The following PKIB variants were observed in gnomAD, a reference collection of about 807,000 sequenced individuals.
The protein encoded by PKIB is cAMP-dependent protein kinase inhibitor beta.
Under a neutral mutation model 4.5 loss-of-function variants are expected in PKIB, and 2 were observed. That is an observed-to-expected ratio of 0.44 (90% CI 0.18 to 1.39). PKIB has a LOEUF of 1.39. Among genes scored for constraint, PKIB ranks in the 40% most tolerant of loss-of-function variants. PKIB has a pLI of 0.27. For missense variants in PKIB, 94 were observed against 92.6 expected, an observed-to-expected ratio of 1.02 and a Z score of -0.06; for synonymous variants, 38 against 36.0, an observed-to-expected ratio of 1.06 and a Z score of -0.20.
At chr6:122,700,251 CTTTTT>C (rs34063696) in intron 3 of PKIB, among the ~76,000 whole-genome samples, 9 of 94,292 alleles carry the variant, frequency 9.5e-5, no homozygotes, top group African/African-American at 2.0e-4. Flanking sequence ...TCTTTTCTTT[CTTTTT>C]TTTTTTTTTT....
At chr6:122,676,151 A>G (rs763186478) in intron 3 of PKIB, among the ~76,000 whole-genome samples, 5 of 151,844 alleles carry the variant, frequency 3.3e-5, no homozygotes, top group Non-Finnish European at 5.9e-5. Flanking sequence ...AGATGGTCCT[A>G]TCTGGGGTGA....
At chr6:122,590,236 G>A (rs1410487679) in intron 3 of PKIB, among the ~76,000 whole-genome samples, 1 of 152,128 alleles carries the variant, frequency 6.6e-6, no homozygotes, top group Non-Finnish European at 1.5e-5. Flanking sequence ...TTCATGAATA[G>A]CTATTTTACA....
intron 2 of PKIB, among the ~76,000 whole-genome samples, chr6:122,652,309 T>A (rs4491170): frequency 4.8e-5 from 5 of 104,940 alleles, no homozygotes; most frequent in East Asian, 3.4e-4. Flanking sequence ...TGTGTGTGTG[T>A]GTGTGTGTGT....
intron 2 of PKIB, among the ~76,000 whole-genome samples, chr6:122,504,670 T>A (rs1265356209): frequency 6.6e-6 from 1 of 152,240 alleles, no homozygotes; most frequent in Non-Finnish European, 1.5e-5. Context: ...ATTTTAAAAA[T>A]TAAAATTTTA....
At position 122,708,777 on chromosome 6, in the gene PKIB, G is replaced by T. The variant is rs1271998866; in HGVS notation, c.-8-9010G>T. Among the ~76,000 whole-genome samples, 4 of 152,102 alleles carry T rather than the reference G, an allele frequency of 2.6e-5. No individual in the cohort carries two copies. In the East Asian group the frequency reaches 7.7e-4, roughly 29 times the overall value. ...GCCTCCTGAGTAACTGGGATTACAG[G>T]CATGCGTCACCACGCCTGGCTAATT... On this transcript the variant is annotated intron_variant, in intron 3 of 4. Transcript: ENST00000368452.
chr6:122,582,736 T>C (rs1227715249), intron 2 of PKIB, among the ~76,000 whole-genome samples: 1 of 152,094 alleles, frequency 6.6e-6, no homozygotes, highest in African/African-American at 2.4e-5. Flanking sequence ...CAGGTTAATA[T>C]TACATATAAA....
chr6:122,675,828 AT>A (rs887739136), intron 3 of PKIB, among the ~76,000 whole-genome samples: 4 of 152,254 alleles, frequency 2.6e-5, no homozygotes, highest in African/African-American at 9.6e-5. Context: ...CTGAAAAAAA[AT>A]CATGTCTAAT....
chr6:122,576,903 A>C (rs1421476387), intron 2 of PKIB, among the ~76,000 whole-genome samples: 1 of 151,764 alleles, frequency 6.6e-6, no homozygotes, highest in African/African-American at 2.4e-5. Context: ...AGAGCAAATA[A>C]AGGAAATAAA....
chr6:122,512,935 T>C (rs1348994789), intron 2 of PKIB, among the ~76,000 whole-genome samples: 1 of 152,218 alleles, frequency 6.6e-6, no homozygotes, highest in Non-Finnish European at 1.5e-5. Flanking sequence ...TTCATAGTTT[T>C]CTCCTAAACT....
At chr6:122,639,299 C>T (rs1198885493) in intron 2 of PKIB, among the ~76,000 whole-genome samples, 1 of 152,150 alleles carries the variant, frequency 6.6e-6, no homozygotes, top group African/African-American at 2.4e-5. Context: ...CACAGATACC[C>T]TTGTCAAGGA....
intron 2 of PKIB, among the ~76,000 whole-genome samples, chr6:122,669,509 T>C (rs1777366747): frequency 6.6e-6 from 1 of 152,180 alleles, no homozygotes; most frequent in African/African-American, 2.4e-5. Context: ...CTTCTGCCTT[T>C]TGTGAGAATA....
intron 2 of PKIB, among the ~76,000 whole-genome samples, chr6:122,548,132 T>C (rs901035602): frequency 6.6e-5 from 10 of 152,194 alleles, no homozygotes; most frequent in Non-Finnish European, 1.5e-4. Flanking sequence ...GTAATTTAAT[T>C]TTAACAGACC....
chr6:122,672,551 T>C (rs1777509950), intron 2 of PKIB, among the ~76,000 whole-genome samples: 1 of 152,162 alleles, frequency 6.6e-6, no homozygotes, highest in South Asian at 2.1e-4. Context: ...TCACCAAGTT[T>C]TCTCTTGATT....
At chr6:122,682,384 T>G (rs1490755927) in intron 3 of PKIB, among the ~76,000 whole-genome samples, 1 of 152,158 alleles carries the variant, frequency 6.6e-6, no homozygotes, top group East Asian at 1.9e-4. Context: ...TGTCTGTGTC[T>G]AAATACTGTC....
chr6:122,642,015 A>C (rs554008883), intron 2 of PKIB, among the ~76,000 whole-genome samples: 3 of 152,282 alleles, frequency 2.0e-5, no homozygotes, highest in African/African-American at 7.2e-5. Context: ...TTTTGAATTG[A>C]GCTTCAGCCA....
At chr6:122,522,317 C>G (rs1453477856) in intron 2 of PKIB, among the ~76,000 whole-genome samples, 1 of 152,156 alleles carries the variant, frequency 6.6e-6, no homozygotes, top group Non-Finnish European at 1.5e-5. Context: ...GCTTGTTGGG[C>G]TCTGTCGGGG....
chr6:122,615,574 G>A (rs543475516), intron 1 of PKIB, among the ~76,000 whole-genome samples: 19 of 152,220 alleles, frequency 1.2e-4, no homozygotes, highest in Admixed American at 8.5e-4. Context: ...CAAAATTCAC[G>A]TCCTTCCTAG....
intron 3 of PKIB, among the ~76,000 whole-genome samples, chr6:122,596,594 T>C (rs1774185555): frequency 3.9e-5 from 6 of 152,144 alleles, no homozygotes; most frequent in Non-Finnish European, 4.4e-5. Flanking sequence ...TAGTCAAACG[T>C]TCAGTTTCTA....
chr6:122,662,452 A>G (rs1317128186), intron 2 of PKIB, among the ~76,000 whole-genome samples: 1 of 149,628 alleles, frequency 6.7e-6, no homozygotes, highest in Non-Finnish European at 1.5e-5. Flanking sequence ...AGTAGCTGCG[A>G]TTATAGGCAT....
Sources: gnomAD v4.1 joint callset for allele counts (sites outside exome capture counted in the v4.1 genomes callset) on GRCh38, gnomAD v4.1.1 for gene constraint, MANE v1.5 for transcripts, NCBI Gene and HGNC (gene_info 2026-07-23, HGNC 2026-07-21) for gene names.